Variants in ANKRD30B observed in about 807,000 individuals in gnomAD.
The protein encoded by ANKRD30B is ankyrin repeat domain 30B.
Under a neutral mutation model 202.2 loss-of-function variants are expected in ANKRD30B, and 144 were observed. The ratio of observed to expected loss-of-function variants is 0.71; its 90% CI spans 0.62 to 0.82. The LOEUF (loss-of-function observed/expected upper bound fraction) is 0.82, where lower values mean the gene tolerates loss of function less well. Ranked by LOEUF, ANKRD30B falls within the 40% of genes least tolerant of loss-of-function variation. The pLI, the probability that ANKRD30B is intolerant of heterozygous loss-of-function variation, is 0.00. For synonymous variants in ANKRD30B, 508 were observed against 561.3 expected (o/e 0.91, Z 1.34); for missense variants, 1,487 against 1,669.1 (o/e 0.89, Z 1.90).
At chr18:14,822,251 T>A (rs1816317641) in intron 30 of ANKRD30B, among the ~76,000 whole-genome samples, 1 of 152,120 alleles carries the variant, frequency 6.6e-6, no homozygotes, top group Admixed American at 6.6e-5. Flanking sequence ...ATATTTTGAC[T>A]GTTGAAATCT....
chr18:14,887,913 A>C, the ANKRD30B span, among the ~76,000 whole-genome samples: 1 of 151,840 alleles, frequency 6.6e-6, no homozygotes. Flanking sequence ...AAAAAACTTA[A>C]AGATTTCTCA....
At chr18:14,753,439 C>T (rs1278599904) in intron 3 of ANKRD30B, among the ~76,000 whole-genome samples, 5 of 152,212 alleles carry the variant, frequency 3.3e-5, no homozygotes, top group Admixed American at 2.0e-4. Flanking sequence ...GCTAAGAGAA[C>T]GTTCTAGCTT....
At chr18:14,788,336 C>T (rs1968224198) in intron 15 of ANKRD30B, among the ~76,000 whole-genome samples, 1 of 151,990 alleles carries the variant, frequency 6.6e-6, no homozygotes, top group Admixed American at 6.6e-5. Flanking sequence ...AGTTAATGGC[C>T]ACATGAATGT....
chr18:14,792,729 A>ATAT (rs1568016828), intron 16 of ANKRD30B, among the ~76,000 whole-genome samples: 8 of 147,762 alleles, frequency 5.4e-5, no homozygotes, highest in African/African-American at 2.0e-4. Context: ...TGAGGCATCA[A>ATAT]ATATATATAT....
At chr18:14,846,247 T>C (rs2143225517) in intron 39 of ANKRD30B, among the ~76,000 whole-genome samples, 1 of 152,172 alleles carries the variant, frequency 6.6e-6, no homozygotes, top group African/African-American at 2.4e-5. Context: ...AATTTTTCTT[T>C]TTACTATTTT....
chr18:14,840,513 C>A (rs117988044), intron 36 of ANKRD30B, 75 bp from the exon 37 acceptor site: 4 of 705,224 alleles, frequency 5.7e-6, no homozygotes, highest in East Asian at 8.1e-5. Context: ...GGCAACCCTG[C>A]GAGGCTTCAT....
At chr18:14,880,246 A>G in the ANKRD30B span, among the ~76,000 whole-genome samples, 2 of 152,084 alleles carry the variant, frequency 1.3e-5, no homozygotes, top group East Asian at 1.9e-4. Context: ...CTATGTGCCT[A>G]TTTTTAAACC....
chr18:14,790,229 A>G (rs1968380279), intron 15 of ANKRD30B, among the ~76,000 whole-genome samples: 1 of 152,114 alleles, frequency 6.6e-6, no homozygotes, highest in African/African-American at 2.4e-5. Flanking sequence ...GTGATTTTTT[A>G]CATTGATTTT....
the ANKRD30B span, among the ~76,000 whole-genome samples, chr18:14,872,848 A>AG: frequency 2.0e-5 from 3 of 152,134 alleles, no homozygotes; most frequent in African/African-American, 4.8e-5. Context: ...CGGGAATAGA[A>AG]GGGGTGGACA....
the ANKRD30B span, among the ~76,000 whole-genome samples, chr18:14,925,766 G>A: frequency 1.3e-5 from 2 of 152,170 alleles, no homozygotes; most frequent in Admixed American, 6.5e-5. Context: ...GCTCCACCTT[G>A]CTGAGCTCAC....
In ANKRD30B at chr18:14,850,344, G is replaced by A. The variant is rs1488313217; in HGVS notation, c.3526G>A (p.Asp1176Asn). 1 of 1,572,694 alleles carries A rather than the reference G, an allele frequency of 6.4e-7. No individual in the cohort carries two copies. The highest frequency in any genetic ancestry group is 2.3e-5 in the East Asian group (1 of 43,844). Residue 1176 changes from aspartate (D) to asparagine (N), a missense_variant, in exon 41 of 44, where the codon GAT (aspartate) becomes AAT (asparagine). Coordinates refer to ENST00000690538, the MANE Select transcript of ANKRD30B (RefSeq NM_001367607.2). ...QQLEQTLRIQ[D>N]IELKSVTSNL... is the part of the protein sequence containing the mutation. ...ACTTGAACAGACTCTCAGAATACAA[G>A]ATATAGAATTGAAAAGTGTAACAAG...
At chr18:14,865,404 C>T in the ANKRD30B span, among the ~76,000 whole-genome samples, 1 of 151,532 alleles carries the variant, frequency 6.6e-6, no homozygotes, top group African/African-American at 2.4e-5. Flanking sequence ...TCCATCTACT[C>T]AAAATCTTTT....
At chr18:14,777,455 G>A (rs1480076553) in intron 9 of ANKRD30B, among the ~76,000 whole-genome samples, 1 of 151,360 alleles carries the variant, frequency 6.6e-6, no homozygotes, top group Admixed American at 6.6e-5. Flanking sequence ...CCACCACCAC[G>A]CCAGGCTAAT....
the ANKRD30B span, among the ~76,000 whole-genome samples, chr18:14,872,668 C>T: frequency 6.6e-6 from 1 of 151,994 alleles, no homozygotes; most frequent in African/African-American, 2.4e-5. Context: ...AGATTTTTGC[C>T]ACTAGTCTTA....
the ANKRD30B span, chr18:14,915,461 G>T: frequency 6.6e-6 from 1 of 152,198 alleles, no homozygotes; most frequent in Non-Finnish European, 1.5e-5. Context: ...ACCTTCTGGG[G>T]TTATCTTATC....
At chr18:14,819,771 T>A (rs1298276773) in intron 30 of ANKRD30B, among the ~76,000 whole-genome samples, 3 of 152,190 alleles carry the variant, frequency 2.0e-5, no homozygotes, top group African/African-American at 7.2e-5. Context: ...TGTAGCCTTG[T>A]AGTATAGTTT....
At chr18:14,898,550 C>A in the ANKRD30B span, among the ~76,000 whole-genome samples, 2 of 152,176 alleles carry the variant, frequency 1.3e-5, no homozygotes, top group African/African-American at 4.8e-5. Flanking sequence ...GTTGGGGACT[C>A]CTGCCGCAAA....
At chr18:14,907,711 G>A in the ANKRD30B span, among the ~76,000 whole-genome samples, 3 of 152,276 alleles carry the variant, frequency 2.0e-5, no homozygotes, top group East Asian at 3.9e-4. Flanking sequence ...AAGACACTGC[G>A]TCCTGTCCAC....
chr18:14,852,059 A>T lies in ANKRD30B; in HGVS notation c.4115A>T (p.Asp1372Val), dbSNP rs776833055. ...PKINLNYAGD[D>V]LRENALVSEH... ...ATTAATCTCAATTATGCAGGAGATG[A>T]TCTAAGAGAAAATGCATTGGTTTCA... The change falls in exon 42 of 44, where the codon GAT becomes GTT. Residue 1372 changes from aspartate to valine, a missense_variant. Physicochemically the swap from Asp to Val is radical, Grantham distance 152. This residue lies in a region of ANKRD30B where 182 missense variants were observed against 216.0 expected (regional missense o/e 0.84). Coordinates refer to ENST00000690538, the MANE Select transcript of ANKRD30B (RefSeq NM_001367607.2). The T allele has an allele frequency of 4.4e-5, 71 of 1,608,726 alleles. 1 individual carries two copies. The South Asian group carries it at 7.6e-4, about 17-fold the overall frequency.
Sources: gnomAD v4.1 joint callset for allele counts (sites outside exome capture counted in the v4.1 genomes callset) on GRCh38, gnomAD v4.1.1 for gene constraint, gnomAD v4.1.1 regional missense constraint, MANE v1.5 for transcripts, NCBI Gene and HGNC (gene_info 2026-07-23, HGNC 2026-07-21) for gene names.